DLC1: variants seen among roughly 807,000 people sequenced by gnomAD.
The protein encoded by DLC1 is rho GTPase-activating protein 7.
DLC1 carries 54 observed loss-of-function variants against 140.3 expected under a neutral mutation model. That is an observed-to-expected ratio of 0.38 (90% CI 0.31 to 0.48). The LOEUF is 0.48. DLC1 is among the 20% of genes least tolerant of loss of function. The pLI, the probability that DLC1 is intolerant of heterozygous loss-of-function variation, is 0.96. For synonymous variants in DLC1, 986 were observed against 728.1 expected (o/e 1.35, Z -5.70); for missense variants, 2,536 against 1,907.0 (o/e 1.33, Z -6.14).
At chr8:13,330,160 T>C (rs1051264940) in intron 4 of DLC1, among the ~76,000 whole-genome samples, 4 of 152,132 alleles carry the variant, frequency 2.6e-5, no homozygotes, top group African/African-American at 9.7e-5. Flanking sequence ...AGACAGAATC[T>C]TGCTATGTTG....
At chr8:13,302,576 T>C (rs1832244718) in intron 5 of DLC1, among the ~76,000 whole-genome samples, 1 of 152,200 alleles carries the variant, frequency 6.6e-6, no homozygotes, top group African/African-American at 2.4e-5. Context: ...TAATGGAATG[T>C]GCCCCAAATG....
intron 2 of DLC1, among the ~76,000 whole-genome samples, chr8:13,402,064 G>C (rs1040502633): frequency 6.6e-6 from 1 of 152,008 alleles, no homozygotes; most frequent in African/African-American, 2.4e-5. Context: ...AAAAACACTG[G>C]AAAAGAACTA....
intron 1 of DLC1, among the ~76,000 whole-genome samples, chr8:13,532,522 G>C (rs1342236470): frequency 3.3e-5 from 5 of 152,202 alleles, no homozygotes; most frequent in African/African-American, 1.2e-4. Flanking sequence ...TAACTCACTT[G>C]TCAGAGTCCC....
chr8:13,548,200 C>T (rs1471344920), intron 1 of DLC1, among the ~76,000 whole-genome samples: 1 of 151,970 alleles, frequency 6.6e-6, no homozygotes, highest in African/African-American at 2.4e-5. Flanking sequence ...ATTGTTAGTT[C>T]TTCAAGTTAA....
chr8:13,548,768 A>G (rs1019744079), intron 1 of DLC1, among the ~76,000 whole-genome samples: 1 of 152,076 alleles, frequency 6.6e-6, no homozygotes, highest in Non-Finnish European at 1.5e-5. Context: ...GCCAGTAAAG[A>G]AACAAAATCA....
At chr8:13,239,451 C>A (rs558947430) in intron 5 of DLC1, among the ~76,000 whole-genome samples, 57 of 152,168 alleles carry the variant, frequency 3.7e-4, no homozygotes, top group Admixed American at 1.3e-3. Context: ...GACTAGGGTT[C>A]CTCATTCCAT....
intron 4 of DLC1, among the ~76,000 whole-genome samples, chr8:13,386,878 T>C (rs76013755): frequency 0.023 from 3,526 of 152,124 alleles, 75 homozygotes; most frequent in South Asian, 0.085. Context: ...TAATAAACAA[T>C]GAGGATCTTA....
At chr8:13,128,696 T>A (rs758658908) in intron 5 of DLC1, among the ~76,000 whole-genome samples, 1 of 152,036 alleles carries the variant, frequency 6.6e-6, no homozygotes, top group East Asian at 1.9e-4. Context: ...AGCTGGGCAT[T>A]GTGGCGGCGC....
In DLC1 at chr8:13,085,377, T is replaced by C. The variant is rs192836860; in HGVS notation, c.*434A>G. ...CACACTCCTCTGTGCAAACCTTTCT[T>C]TGCTCATCTTGGTGAGAAAACACAT... On this transcript the variant is annotated 3_prime_UTR_variant, in exon 18 of 18. Coordinates refer to ENST00000276297, the MANE Select transcript of DLC1 (RefSeq NM_182643.3). The C allele has an allele frequency of 5.1e-4, 79 of 156,430 alleles. 1 individual carries two copies. Among genetic ancestry groups the C allele is most frequent in the Non-Finnish European group, 8.5e-5 (6 of 70,358 alleles). 9.7% of individuals were successfully genotyped at this position (156,430 alleles called of 1,614,324 possible). A position where few individuals can be genotyped will look rare whatever the true frequency, so the allele number is the denominator to read the frequency against.
At chr8:13,252,757 C>T (rs903306631) in intron 5 of DLC1, among the ~76,000 whole-genome samples, 6 of 152,086 alleles carry the variant, frequency 3.9e-5, no homozygotes, top group South Asian at 4.2e-4. Flanking sequence ...AAAAGATTTA[C>T]GTCATGCTCC....
intron 5 of DLC1, among the ~76,000 whole-genome samples, chr8:13,130,454 T>C (rs1365535364): frequency 6.6e-6 from 1 of 152,234 alleles, no homozygotes; most frequent in Non-Finnish European, 1.5e-5. Context: ...GTAGAAATGC[T>C]CTAAACTTTG....
At chr8:13,590,062 C>CAT (rs1554549055) in intron 1 of DLC1, among the ~76,000 whole-genome samples, 13,523 of 121,326 alleles carry the variant, frequency 0.11, 845 homozygotes, top group Admixed American at 0.21. Flanking sequence ...ACTCAACATG[C>CAT]ATATATATAT....
intron 5 of DLC1, among the ~76,000 whole-genome samples, chr8:13,122,199 C>T (rs115425270): frequency 2.6e-5 from 4 of 152,228 alleles, no homozygotes; most frequent in African/African-American, 7.2e-5. Context: ...GACTTTCCAC[C>T]GCCTTTCAAA....
intron 1 of DLC1, among the ~76,000 whole-genome samples, chr8:13,540,540 T>A (rs7002159): frequency 0.11 from 16,411 of 152,166 alleles, 1,145 homozygotes; most frequent in Non-Finnish European, 0.14. Flanking sequence ...ACAAGTGCCA[T>A]CTCTTACAAA....
chr8:13,350,631 G>T (rs570966676), intron 4 of DLC1, among the ~76,000 whole-genome samples: 1 of 152,038 alleles, frequency 6.6e-6, no homozygotes, highest in Non-Finnish European at 1.5e-5. Flanking sequence ...CAGGAAAATC[G>T]CTTGAACCAG....
intron 1 of DLC1, among the ~76,000 whole-genome samples, chr8:13,513,976 C>T (rs1802486651): frequency 6.6e-6 from 1 of 151,718 alleles, no homozygotes; most frequent in African/African-American, 2.4e-5. Context: ...ATTTAAATTT[C>T]CAAAACTCAG....
At chr8:13,154,878 A>G (rs1284652586) in intron 5 of DLC1, among the ~76,000 whole-genome samples, 5 of 152,354 alleles carry the variant, frequency 3.3e-5, no homozygotes, top group Middle Eastern at 3.4e-3. Flanking sequence ...TTTGATAGGT[A>G]GATAAGGGAA....
intron 5 of DLC1, among the ~76,000 whole-genome samples, chr8:13,295,441 C>G (rs191881418): frequency 2.0e-5 from 3 of 152,212 alleles, no homozygotes; most frequent in Non-Finnish European, 4.4e-5. Context: ...CCACACTTCT[C>G]CTGCATTAGA....
chr8:13,335,318 A>G lies in DLC1; in HGVS notation c.1315-30016T>C, dbSNP rs1166017161. Among the ~76,000 whole-genome samples, 4 of 152,332 alleles carry G rather than the reference A, an allele frequency of 2.6e-5. No individual in the cohort carries two copies. In the East Asian group the frequency reaches 5.8e-4, roughly 22 times the overall value. On this transcript the variant is annotated intron_variant, in intron 4 of 17. Coordinates refer to ENST00000276297, the MANE Select transcript of DLC1 (RefSeq NM_182643.3). Reference sequence around the variant, plus strand: ...AGAGAACTTGACTAAAGTACAGTAGAGTTCAACTATAAACTACTTTTTTAA... The same window carrying G: ...AGAGAACTTGACTAAAGTACAGTAGGGTTCAACTATAAACTACTTTTTTAA...
Sources: allele counts gnomAD v4.1 joint callset (sites outside exome capture counted in the v4.1 genomes callset), GRCh38; gene constraint gnomAD v4.1.1; transcripts MANE v1.5; gene names NCBI Gene and HGNC (gene_info 2026-07-23, HGNC 2026-07-21).